OTOGL: variants seen among roughly 807,000 people sequenced by gnomAD.
The protein encoded by OTOGL is otogelin like, also known as otogelin-like protein.
In OTOGL, 285 loss-of-function variants were observed where a neutral mutation model predicts 318.5. That is an observed-to-expected ratio of 0.89 (90% CI 0.81 to 0.99). The LOEUF (loss-of-function observed/expected upper bound fraction) is 0.99. OTOGL is among the 50% of genes least tolerant of loss of function. The pLI is 0.00. For synonymous variants in OTOGL, 987 were observed against 936.5 expected, an observed-to-expected ratio of 1.05 and a Z score of -0.99; for missense variants, 2,899 against 2,845.6, an observed-to-expected ratio of 1.02 and a Z score of -0.43.
intron 4 of OTOGL, among the ~76,000 whole-genome samples, chr12:80,214,276 A>G (rs1877513283): frequency 6.6e-6 from 1 of 152,244 alleles, no homozygotes; most frequent in South Asian, 2.1e-4. Flanking sequence ...TGAAGAAGGG[A>G]GAAAATAAAA....
At chr12:80,270,263 C>A in intron 23 of OTOGL, 109 bp downstream of exon 23, 1 of 863,440 alleles carries the variant, frequency 1.2e-6, no homozygotes. Flanking sequence ...ATGGCTATAG[C>A]CTTGGGAATG....
intron 17 of OTOGL, among the ~76,000 whole-genome samples, chr12:80,257,012 T>C (rs1241077607): frequency 6.6e-6 from 1 of 152,034 alleles, no homozygotes; most frequent in African/African-American, 2.4e-5. Flanking sequence ...TGTCTGGATG[T>C]AGGTAAGGAT....
chr12:80,265,170 CG>C lies in OTOGL; in HGVS notation c.2186del (p.Gly729ValfsTer101), dbSNP rs770771537. On this transcript the variant is annotated frameshift_variant, in exon 20 of 59. Coordinates refer to ENST00000547103, the MANE Select transcript of OTOGL (RefSeq NM_001378609.3). LOFTEE classifies it high-confidence loss of function. ...ACTATGCCTACCTCTGCGGCCAGCA[CG>C]GTGTTCCCATTGATTTCAGAACTCA... ...AHYAYLCGQHGVPIDFRTQIS... is the reference protein window; with the variant it reads ...AHYAYLCGQHXVPIDFRTQIS... 6.2e-7 allele frequency: 1 copy of C among 1,613,800 alleles called. No individual in the cohort carries two copies. Among genetic ancestry groups the C allele is most frequent in the Non-Finnish European group, 8.5e-7 (1 of 1,179,834 alleles).
chr12:80,297,695 T>G (rs1328017693), intron 27 of OTOGL, among the ~76,000 whole-genome samples: 2 of 152,202 alleles, frequency 1.3e-5, no homozygotes, highest in Admixed American at 6.5e-5. Context: ...GACTTTGAGA[T>G]GCCTTCCCAC....
intron 8 of OTOGL, among the ~76,000 whole-genome samples, chr12:80,232,458 G>C (rs1310589128): frequency 6.6e-6 from 1 of 152,044 alleles, no homozygotes; most frequent in Non-Finnish European, 1.5e-5. Context: ...TGTATATTTT[G>C]ATGATTGTCT....
intron 9 of OTOGL, among the ~76,000 whole-genome samples, chr12:80,238,067 C>T (rs954225767): frequency 6.6e-6 from 1 of 152,150 alleles, no homozygotes; most frequent in Non-Finnish European, 1.5e-5. Flanking sequence ...TGAACTTGTT[C>T]TCAGATCAGG....
At chr12:80,158,438 C>T (rs1873272508) in intron 1 of OTOGL, among the ~76,000 whole-genome samples, 1 of 151,898 alleles carries the variant, frequency 6.6e-6, no homozygotes, top group Admixed American at 6.6e-5. Flanking sequence ...TGTGGTCATA[C>T]AGATTTCAGA....
chr12:80,128,841 G>T (rs190898112), intron 1 of OTOGL, among the ~76,000 whole-genome samples: 89 of 152,338 alleles, frequency 5.8e-4, no homozygotes, highest in African/African-American at 1.7e-3. Context: ...CTCTGAGCCA[G>T]GTGCGGGATA....
intron 1 of OTOGL, among the ~76,000 whole-genome samples, chr12:80,142,729 A>G (rs1872036800): frequency 6.6e-6 from 1 of 151,998 alleles, no homozygotes; most frequent in Non-Finnish European, 1.5e-5. Flanking sequence ...GTTGCATTAG[A>G]TAGTCTTAGG....
At position 80,296,905 on chromosome 12, in the gene OTOGL, G is replaced by A. The variant is rs1318631216; in HGVS notation, c.3007G>A (p.Val1003Ile). The A allele has an allele frequency of 1.9e-6, 3 of 1,543,312 alleles. No homozygotes were observed. Among genetic ancestry groups the A allele is most frequent in the Non-Finnish European group, 2.6e-6 (3 of 1,146,934 alleles). The part of the protein sequence containing the change: ...FDNDIVCSKS[V>I]LISVGDTEIY... ...CAACGATATTGTTTGTTCTAAAAGTGTTTTGATTTCAGTTGGGGACACTGA... is the reference window on the plus strand; with the variant it reads ...CAACGATATTGTTTGTTCTAAAAGTATTTTGATTTCAGTTGGGGACACTGA... Residue 1003 changes from valine (V) to isoleucine (I), a missense_variant, in exon 27 of 59, where the codon GTT (valine) becomes ATT (isoleucine). Val to Ile is a conservative substitution (Grantham distance 29, BLOSUM62 3). Around this residue, in one of 3 missense-constraint regions of OTOGL, gnomAD observed 2,607 missense variants for 2,524.9 expected, o/e 1.03. Transcript: ENST00000547103.
At chr12:80,368,382 G>GGC (rs1592766743) in intron 55 of OTOGL, 73 bp downstream of exon 55, 3 of 830,542 alleles carry the variant, frequency 3.6e-6, no homozygotes, top group Non-Finnish European at 3.7e-6. Flanking sequence ...TTTGGAAAAT[G>GGC]TCCCCCCCCA....
At chr12:80,147,532 G>T (rs548197072) in intron 1 of OTOGL, among the ~76,000 whole-genome samples, 10,220 of 150,476 alleles carry the variant, frequency 0.068, 955 homozygotes, top group African/African-American at 0.21. Flanking sequence ...GTATATTCTG[G>T]TGATTTGGGG....
At position 80,320,488 on chromosome 12, in the gene OTOGL, A is replaced by G. The variant is rs746324965; in HGVS notation, c.3869A>G (p.Asp1290Gly). The change falls in exon 34 of 59, where the codon GAT becomes GGT. Residue 1290 changes from aspartate to glycine, a missense_variant. Around this residue, in one of 3 missense-constraint regions of OTOGL, gnomAD observed 2,607 missense variants for 2,524.9 expected, o/e 1.03. Transcript: ENST00000547103. ...TACTTTCTCTATGTCCATGACAATG[A>G]TACTCTTAGCTTGGAGCTGTGGGAG... The part of the protein sequence containing the change: ...PNYFLYVHDN[D>G]TLSLELWEAN... The G allele has an allele frequency of 8.7e-6, 14 of 1,613,596 alleles. No individual in the cohort carries two copies. In the South Asian group the frequency reaches 1.5e-4, roughly 18 times the overall value.
chr12:80,209,059 G>C (rs1319206441), intron 1 of OTOGL, among the ~76,000 whole-genome samples: 1 of 152,046 alleles, frequency 6.6e-6, no homozygotes, highest in African/African-American at 2.4e-5. Flanking sequence ...TAGGAATAAT[G>C]GTTATCTCTT....
intron 29 of OTOGL, among the ~76,000 whole-genome samples, chr12:80,307,442 C>G (rs1157174138): frequency 6.8e-6 from 1 of 146,258 alleles, no homozygotes. Flanking sequence ...GGGGGCTGAC[C>G]CCCCCCACCT....
chr12:80,284,723 GTTGT>G (rs1249444082), intron 26 of OTOGL, among the ~76,000 whole-genome samples: 2 of 152,082 alleles, frequency 1.3e-5, no homozygotes, highest in Non-Finnish European at 2.9e-5. Context: ...TTTTGATGGG[GTTGT>G]TTGTCTTTTC....
Position 80,356,812 on chromosome 12 carries a change from G to A in OTOGL, c.5917G>A (p.Asp1973Asn). The A allele has an allele frequency of 1.3e-6, 2 of 1,589,666 alleles. No homozygotes were observed. The highest frequency in any genetic ancestry group is 2.3e-5 in the South Asian group (2 of 86,434). Reference protein sequence around the residue: ...SCCPQYKCECDPLKCPSISTP... With the variant: ...SCCPQYKCECNPLKCPSISTP... ...ATGTAATTTTGTTTCTGCAGAATGT[G>A]ACCCATTGAAATGCCCCAGTATTTC... The change falls in exon 49 of 59, where the codon GAC (aspartate) becomes AAC (asparagine). Residue 1973 changes from aspartate to asparagine, a missense_variant. Asp to Asn is a conservative substitution (Grantham distance 23, BLOSUM62 1). Coordinates refer to ENST00000547103, the MANE Select transcript of OTOGL (RefSeq NM_001378609.3).
chr12:80,120,643 C>G (rs567484888), intron 1 of OTOGL, among the ~76,000 whole-genome samples: 2 of 152,096 alleles, frequency 1.3e-5, no homozygotes, highest in Non-Finnish European at 2.9e-5. Flanking sequence ...TATGGAAATG[C>G]CTTTCAATAT....
In OTOGL at chr12:80,348,486, G is replaced by C. The variant is rs865955976; in HGVS notation, c.5266-3809G>C. 5.2e-4 allele frequency among the ~76,000 whole-genome samples: 79 copies of C among 152,132 alleles called. 1 individual carries two copies. The highest frequency in any genetic ancestry group is 5.9e-4 in the Admixed American group (9 of 15,272). On this transcript the variant is annotated intron_variant, in intron 44 of 58. Transcript: ENST00000547103. Reference sequence around the variant, plus strand: ...TTCTGTTCCATTGGTCTATATGTCTGTTTTGGTACCAGTACCATGCTGTTT... The same window carrying C: ...TTCTGTTCCATTGGTCTATATGTCTCTTTTGGTACCAGTACCATGCTGTTT...
Sources: gnomAD v4.1 joint callset for allele counts (sites outside exome capture counted in the v4.1 genomes callset) on GRCh38, gnomAD v4.1.1 for gene constraint, gnomAD v4.1.1 regional missense constraint, MANE v1.5 for transcripts, NCBI Gene and HGNC (gene_info 2026-07-23, HGNC 2026-07-21) for gene names.